Variants in RAB29 observed in about 807,000 individuals in gnomAD.
RAB29 encodes the protein RAB29, member RAS oncogene family.
Under a neutral mutation model 25.5 loss-of-function variants are expected in RAB29, and 13 were observed. The ratio of observed to expected loss-of-function variants is 0.51; its 90% CI spans 0.33 to 0.81. RAB29 has a LOEUF of 0.81. RAB29 is among the 30% of genes least tolerant of loss of function. The pLI, the probability that RAB29 is intolerant of heterozygous loss-of-function variation, is 0.02. For missense variants in RAB29, 201 were observed against 254.9 expected (o/e 0.79, Z 1.44); for synonymous variants, 88 against 95.0 (o/e 0.93, Z 0.43).
At position 205,770,242 on chromosome 1, in the gene RAB29, G is replaced by T; in HGVS notation, c.*100C>A. 1.0e-6 allele frequency: 1 copy of T among 960,348 alleles called. No individual in the cohort carries two copies. The highest frequency in any genetic ancestry group is 1.7e-6 in the Non-Finnish European group (1 of 604,282). 59.5% of individuals were successfully genotyped at this position (960,348 alleles called of 1,614,324 possible). A position where few individuals can be genotyped will look rare whatever the true frequency, so the allele number is the denominator to read the frequency against. On this transcript the variant is annotated 3_prime_UTR_variant, in exon 6 of 6. Coordinates refer to ENST00000367139, the MANE Select transcript of RAB29 (RefSeq NM_003929.3). ...CCTCCTTACTGGACAGTAGTCAGGA[G>T]ACAATTCAAATGTACTTAATAAAAT...
At position 205,770,342 on chromosome 1, in the gene RAB29, C is replaced by G; in HGVS notation, c.612G>C (p.Ter204TyrextTer1). ...GGGATGGAAAATAAGCCAAACACTA[C>G]TAGCAGCAGGACCAGCTGGAGGACT... ...QTKSSSWSCC[*>Y] Residue 204 changes from the stop codon to tyrosine, a stop_lost, in exon 6 of 6, where the codon TAG (stop) becomes TAC (tyrosine). Transcript: ENST00000367139. 1 of 1,612,400 alleles carries G rather than the reference C, an allele frequency of 6.2e-7. No homozygotes were observed. The highest frequency in any genetic ancestry group is 8.5e-7 in the Non-Finnish European group (1 of 1,178,406).
intron 4 of RAB29, 50 bp downstream of exon 4, chr1:205,771,418 CCTTT>C: frequency 6.3e-7 from 1 of 1,584,078 alleles, no homozygotes; most frequent in Non-Finnish European, 8.7e-7. Flanking sequence ...CATTTTACTT[CCTTT>C]CTAACCACAG....
intron 2 of RAB29, among the ~76,000 whole-genome samples, chr1:205,773,194 G>C (rs1655111579): frequency 6.6e-6 from 1 of 152,246 alleles, no homozygotes; most frequent in Non-Finnish European, 1.5e-5. Context: ...CCTTAAGGCT[G>C]AGTAAGTATT....
rs776252270 is a variant in RAB29, at chr1:205,768,285, C to T, written c.*2057G>A. ...TCTTTCTTAGGGCAGTGGTTTTCAA[C>T]GTCTGTGTAGCAGAATCACCTGAAA... On this transcript the variant is annotated 3_prime_UTR_variant, in exon 6 of 6. Coordinates refer to ENST00000367139, the MANE Select transcript of RAB29 (RefSeq NM_003929.3). 4 of 152,156 alleles carry T rather than the reference C, an allele frequency of 2.6e-5. No homozygotes were observed. The highest frequency in any genetic ancestry group is 2.1e-4 in the South Asian group (1 of 4,828). The allele number at this position is 152,156 out of a possible 1,614,324, so 9.4% of individuals were successfully genotyped here.
chr1:205,774,438 C>T (rs1318755126), intron 2 of RAB29, among the ~76,000 whole-genome samples: 39 of 152,210 alleles, frequency 2.6e-4, no homozygotes, highest in Admixed American at 2.6e-3. Flanking sequence ...CGGCACCTAA[C>T]CAGGAGGCCC....
intron 2 of RAB29, 134 bp from the exon 3 acceptor site, chr1:205,772,701 A>C: frequency 1.2e-6 from 1 of 805,522 alleles, no homozygotes; most frequent in Non-Finnish European, 2.1e-6. Context: ...TTAAGCCCTC[A>C]ATTCACTGAG....
chr1:205,770,389 C>T lies in RAB29; in HGVS notation c.565G>A (p.Asp189Asn). The change falls in exon 6 of 6, where the codon GAC (aspartate) becomes AAC (asparagine). Residue 189 changes from aspartate (D) to asparagine (N), a missense_variant. Coordinates refer to ENST00000367139, the MANE Select transcript of RAB29 (RefSeq NM_003929.3). ...EDIMSLSTQG[D>N]YINLQTKSSS... The stretch of plus-strand genomic sequence containing the variant: ...GACTTGGTTTGTAGATTGATGTAGT[C>T]CCCTTGGGTGGACAAAGACATGATA... 6.2e-7 allele frequency: 1 copy of T among 1,614,164 alleles called. No individual in the cohort carries two copies. Among genetic ancestry groups the T allele is most frequent in the Non-Finnish European group, 8.5e-7 (1 of 1,180,014 alleles).
chr1:205,772,645 C>T (rs2102478942), intron 2 of RAB29, 78 bp from the exon 3 acceptor site: 1 of 1,312,318 alleles, frequency 7.6e-7, no homozygotes, highest in East Asian at 2.3e-5. Context: ...ATCAAATAGG[C>T]AGTGAAACCC....
At chr1:205,771,067 G>A (rs576045252) in intron 4 of RAB29, 27 of 572,230 alleles carry the variant, frequency 4.7e-5, no homozygotes, top group Middle Eastern at 5.1e-4. Flanking sequence ...GGGAGGCTGA[G>A]GCGGGCAGAT....
At position 205,769,646 on chromosome 1, in the gene RAB29, C is replaced by G. The variant is rs1364851035; in HGVS notation, c.*696G>C. 6.5e-6 allele frequency: 1 copy of G among 152,692 alleles called. No individual in the cohort carries two copies. Among genetic ancestry groups the G allele is most frequent in the Non-Finnish European group, 1.5e-5 (1 of 68,450 alleles). 9.5% of individuals were successfully genotyped at this position (152,692 alleles called of 1,614,324 possible). ...GTTTTGCCATGCTGACCAGGTTGGT[C>G]TCGAATTCCTGGCCTCATGTGATCC... On this transcript the variant is annotated 3_prime_UTR_variant, in exon 6 of 6. Transcript: ENST00000367139.
intron 2 of RAB29, 84 bp downstream of exon 2, chr1:205,774,749 C>A (rs1464867014): frequency 4.2e-6 from 6 of 1,432,602 alleles, no homozygotes; most frequent in African/African-American, 1.4e-5. Context: ...ACAGCAAATC[C>A]CCACCCCACT....
At chr1:205,775,128 C>T (rs1655253848) in intron 1 of RAB29, 42 bp from the exon 2 acceptor site, 1 of 857,754 alleles carries the variant, frequency 1.2e-6, no homozygotes, top group South Asian at 2.0e-5. Flanking sequence ...TTGCACTCAA[C>T]CTATACGCGC....
intron 1 of RAB29, 82 bp from the exon 2 acceptor site, chr1:205,775,168 G>A: frequency 5.4e-6 from 3 of 557,400 alleles, no homozygotes; most frequent in African/African-American, 1.9e-5. Flanking sequence ...AACCTGGGTG[G>A]GGCGCAGGGC....
chr1:205,771,472 C>G lies in RAB29; in HGVS notation c.378G>C (p.Lys126Asn). 6.2e-7 allele frequency: 1 copy of G among 1,613,830 alleles called. No homozygotes were observed. Among genetic ancestry groups the G allele is most frequent in the Non-Finnish European group, 8.5e-7 (1 of 1,179,924 alleles). Residue 126 changes from lysine (K) to asparagine (N), a missense_variant and splice_region_variant, in exon 4 of 6, where the codon AAG becomes AAC. By Grantham distance (94) the Lys-to-Asn change is moderately conservative (BLOSUM62 0). Transcript: ENST00000367139. Reference protein sequence around the residue: ...EPVPCLLLANKCDLSPWAVSR... With the variant: ...EPVPCLLLANNCDLSPWAVSR... ...CCATTTTCTGAGATTGGCCACATAC[C>G]TTGTTGGCCAAGAGCAGGCAGGGCA... is the stretch of plus-strand genomic sequence containing the variant.
In RAB29 at chr1:205,775,027, C is replaced by A; in HGVS notation, c.-71G>T. 6.3e-7 allele frequency: 1 copy of A among 1,579,450 alleles called. No homozygotes were observed. ...GATCGGGGGTCGCTCGTTTTAACCCCTTTGGATCCGGACCCTCTTCAAACT... is the reference window on the plus strand; with the variant it reads ...GATCGGGGGTCGCTCGTTTTAACCCATTTGGATCCGGACCCTCTTCAAACT... On this transcript the variant is annotated 5_prime_UTR_variant, in exon 2 of 6. It adds an upstream start codon to the 5' untranslated region. Transcript: ENST00000367139.
In RAB29 at chr1:205,774,967, G is replaced by C. The variant is rs368921447; in HGVS notation, c.-11C>G. The C allele has an allele frequency of 8.7e-6, 14 of 1,613,278 alleles. No homozygotes were observed. The highest frequency in any genetic ancestry group is 1.3e-5 in the African/African-American group (1 of 74,940). ...GTCGCGGCTGCCCATGGCTAGCGGG[G>C]TGTGCGTTTTAGGGAGGCGGGAAGT... On this transcript the variant is annotated 5_prime_UTR_variant, in exon 2 of 6. Coordinates refer to ENST00000367139, the MANE Select transcript of RAB29 (RefSeq NM_003929.3).
chr1:205,769,349 C>G lies in RAB29; in HGVS notation c.*993G>C, dbSNP rs559857564. 6.6e-6 allele frequency: 1 copy of G among 152,338 alleles called. No individual in the cohort carries two copies. The highest frequency in any genetic ancestry group is 6.5e-5 in the Admixed American group (1 of 15,310). 9.4% of individuals were successfully genotyped at this position (152,338 alleles called of 1,614,324 possible). On this transcript the variant is annotated 3_prime_UTR_variant, in exon 6 of 6. Transcript: ENST00000367139. ...AAACCTGCAAATGGGAGACACTAGG[C>G]AATCCTATCATGAGGATTAAGCTCT... is the stretch of plus-strand genomic sequence containing the variant.
rs1654888650 is a variant in RAB29 at position 205,769,667 on chromosome 1, G to A, written c.*675C>T. ...TGGTCTCGAATTCCTGGCCTCATGT[G>A]ATCCGCCTGCCTTGGCCTCCCCAAG... On this transcript the variant is annotated 3_prime_UTR_variant, in exon 6 of 6. Coordinates refer to ENST00000367139, the MANE Select transcript of RAB29 (RefSeq NM_003929.3). The A allele has an allele frequency of 1.3e-5, 2 of 153,250 alleles. No individual in the cohort carries two copies. The highest frequency in any genetic ancestry group is 4.1e-4 in the South Asian group (2 of 4,854). The allele number at this position is 153,250 out of a possible 1,614,324, so 9.5% of individuals were successfully genotyped here.
In RAB29 at chr1:205,770,803, T is replaced by C. The variant is rs1654953422; in HGVS notation, c.430A>G (p.Lys144Glu). The change falls in exon 5 of 6, where the codon AAA becomes GAA. Residue 144 changes from lysine to glutamate, a missense_variant. Lys to Glu is a moderately conservative substitution (Grantham distance 56). Transcript: ENST00000367139. Reference protein sequence around the residue: ...VSRDQIDRFSKENGFTGWTET... With the variant: ...VSRDQIDRFSEENGFTGWTET... ...GTCCAACCTGTGAAACCGTTCTCTT[T>C]ACTGAACCGGTCAATCTGGTCCCGG... The C allele has an allele frequency of 1.2e-6, 2 of 1,614,054 alleles. No homozygotes were observed. Among genetic ancestry groups the C allele is most frequent in the South Asian group, 2.2e-5 (2 of 91,084 alleles).
Sources: allele counts gnomAD v4.1 joint callset (sites outside exome capture counted in the v4.1 genomes callset), GRCh38; gene constraint gnomAD v4.1.1; transcripts MANE v1.5; gene names NCBI Gene and HGNC (gene_info 2026-07-23, HGNC 2026-07-21).